Variants in CCDC125 observed in about 807,000 individuals in gnomAD.
The protein encoded by CCDC125 is coiled-coil domain-containing protein 125.
CCDC125 carries 43 observed loss-of-function variants against 57.4 expected under a neutral mutation model. That is an observed-to-expected ratio of 0.75 (90% confidence interval 0.59 to 0.97). CCDC125 has a LOEUF of 0.97. Among genes scored for constraint, CCDC125 ranks in the 50% least tolerant of loss-of-function variants. CCDC125 has a pLI of 0.00. For missense variants in CCDC125, 563 were observed against 595.7 expected (o/e 0.95, Z 0.57); for synonymous variants, 187 against 195.2 (o/e 0.96, Z 0.35).
At chr5:69,285,293 G>C (rs1753148792) in intron 11 of CCDC125, 44 bp downstream of exon 11, 2 of 1,602,428 alleles carry the variant, frequency 1.2e-6, no homozygotes, top group African/African-American at 2.7e-5. Context: ...GGTTGGACAA[G>C]CTTGGCTTAA....
chr5:69,299,886 T>C, intron 8 of CCDC125, 126 bp downstream of exon 8: 2 of 756,368 alleles, frequency 2.6e-6, no homozygotes, highest in South Asian at 3.2e-5. Flanking sequence ...CCCAGGGGCG[T>C]CTCTCACTCC....
intron 10 of CCDC125, among the ~76,000 whole-genome samples, chr5:69,286,219 TATATATATATATATAA>T (rs1189446238): frequency 7.1e-5 from 9 of 127,094 alleles, no homozygotes; most frequent in African/African-American, 2.7e-4. Context: ...TATATATATA[TATATATATATATATAA>T]TTTTTTTTTT....
chr5:69,303,431 C>T (rs1362818590), intron 7 of CCDC125, among the ~76,000 whole-genome samples: 1 of 135,074 alleles, frequency 7.4e-6, no homozygotes, highest in Non-Finnish European at 1.5e-5. Flanking sequence ...GAGGCACAAT[C>T]TTGGGTCACT....
In CCDC125 at chr5:69,320,286, T is replaced by G; in HGVS notation, c.255A>C (p.Thr85=). The change falls in exon 2 of 12, where the codon ACA becomes ACC. Residue 85 remains threonine, a synonymous_variant. Coordinates refer to ENST00000396496, the MANE Select transcript of CCDC125 (RefSeq NM_176816.5). ...TGGAAATTCTGGACACTTGAGGGAA[T>G]GTATCTTGCTGGCTCTTATGCTTGG... ...QYSKHKSQQD[T]FPQVSRISNY... is the part of the protein sequence containing the mutation. 1 of 1,614,174 alleles carries G rather than the reference T, an allele frequency of 6.2e-7. No homozygotes were observed. The highest frequency in any genetic ancestry group is 8.5e-7 in the Non-Finnish European group (1 of 1,180,026).
downstream of CCDC125, among the ~76,000 whole-genome samples, chr5:69,278,460 GC>G (rs1311919492): frequency 6.7e-6 from 1 of 150,304 alleles, no homozygotes; most frequent in African/African-American, 2.5e-5. Context: ...TCATCCACCT[GC>G]CTTGACCTCC....
At chr5:69,322,808 G>A (rs552876254) in intron 1 of CCDC125, among the ~76,000 whole-genome samples, 7 of 150,648 alleles carry the variant, frequency 4.6e-5, no homozygotes, top group Non-Finnish European at 1.0e-4. Flanking sequence ...TGATACACCC[G>A]CCTTGGCCTC....
chr5:69,321,669 T>C (rs1760041314), intron 1 of CCDC125, among the ~76,000 whole-genome samples: 1 of 152,266 alleles, frequency 6.6e-6, no homozygotes, highest in Non-Finnish European at 1.5e-5. Context: ...CCACTGTCTA[T>C]GTGGTCTGTC....
At chr5:69,326,163 C>T (rs970126436) in intron 1 of CCDC125, among the ~76,000 whole-genome samples, 4 of 152,126 alleles carry the variant, frequency 2.6e-5, no homozygotes, top group Non-Finnish European at 5.9e-5. Context: ...ATCCAGATAT[C>T]TGATGTCAGA....
At chr5:69,283,081 A>G (rs1232946760) in intron 11 of CCDC125, 47 bp from the exon 12 acceptor site, 1 of 1,414,576 alleles carries the variant, frequency 7.1e-7, no homozygotes. Context: ...AATAAATCAC[A>G]GAATATATTC....
chr5:69,290,938 C>A (rs1754356658), intron 10 of CCDC125, among the ~76,000 whole-genome samples: 1 of 152,022 alleles, frequency 6.6e-6, no homozygotes, highest in Non-Finnish European at 1.5e-5. Flanking sequence ...CCAACAGGTT[C>A]CATTTTAAAT....
chr5:69,332,193 C>T (rs1561199742), intron 1 of CCDC125, among the ~76,000 whole-genome samples: 1 of 152,180 alleles, frequency 6.6e-6, no homozygotes, highest in Non-Finnish European at 1.5e-5. Context: ...TGTTTCTTAA[C>T]TTTTCATTTT....
chr5:69,314,034 G>A lies in CCDC125; in HGVS notation c.317C>T (p.Ser106Leu). The change falls in exon 3 of 12, where the codon TCA becomes TTA. Residue 106 changes from serine (S) to leucine (L), a missense_variant. Coordinates refer to ENST00000396496, the MANE Select transcript of CCDC125 (RefSeq NM_176816.5). Reference protein sequence around the residue: ...RRQSSTVDSNSELSNEELRQC... With the variant: ...RRQSSTVDSNLELSNEELRQC... ...CCTTAATTCTTCATTTGACAATTCT[G>A]AATTCGAATCTACTTGGGAGGGAGG... is the stretch of plus-strand genomic sequence containing the variant. The A allele has an allele frequency of 6.2e-7, 1 of 1,608,598 alleles. No homozygotes were observed. The highest frequency in any genetic ancestry group is 8.5e-7 in the Non-Finnish European group (1 of 1,175,042).
At chr5:69,296,700 A>C (rs1755374076) in intron 8 of CCDC125, among the ~76,000 whole-genome samples, 2 of 152,202 alleles carry the variant, frequency 1.3e-5, no homozygotes. Context: ...AGGGTGTCTT[A>C]TGCCTATAAT....
At chr5:69,286,137 A>T (rs1753306443) in intron 10 of CCDC125, among the ~76,000 whole-genome samples, 1 of 145,058 alleles carries the variant, frequency 6.9e-6, no homozygotes, top group Admixed American at 7.1e-5. Context: ...TGAAGGTTAC[A>T]TTACAATGTG....
intron 4 of CCDC125, 121 bp from the exon 5 acceptor site, chr5:69,308,149 A>T (rs1463783953): frequency 1.4e-6 from 1 of 716,646 alleles, no homozygotes; most frequent in Non-Finnish European, 2.4e-6. Context: ...TAAGAATTTC[A>T]CAGTGACCAC....
chr5:69,283,958 A>AT (rs1283518949), intron 11 of CCDC125, among the ~76,000 whole-genome samples: 1 of 150,724 alleles, frequency 6.6e-6, no homozygotes, highest in Admixed American at 6.6e-5. Flanking sequence ...CACCTGGCTA[A>AT]TTTTTTGTAT....
intron 3 of CCDC125, among the ~76,000 whole-genome samples, chr5:69,312,741 T>C (rs1451125495): frequency 6.6e-6 from 1 of 152,190 alleles, no homozygotes; most frequent in African/African-American, 2.4e-5. Context: ...GGAGGCCAGT[T>C]GAAAAAGATG....
downstream of CCDC125, chr5:69,276,408 A>G (rs967741847): frequency 2.4e-5 from 17 of 711,240 alleles, 1 homozygote; most frequent in Admixed American, 4.2e-4. Context: ...AATACTTGAC[A>G]TTAATTTTGT....
At chr5:69,314,462 C>CA (rs10709690) in intron 2 of CCDC125, among the ~76,000 whole-genome samples, 73,445 of 142,670 alleles carry the variant, frequency 0.51, 18,172 homozygotes, top group East Asian at 0.59. Flanking sequence ...AACTCTGTTT[C>CA]AAAAAAAAAA....
Sources: allele counts gnomAD v4.1 joint callset (sites outside exome capture counted in the v4.1 genomes callset), GRCh38; gene constraint gnomAD v4.1.1; transcripts MANE v1.5; gene names NCBI Gene and HGNC (gene_info 2026-07-23, HGNC 2026-07-21).